The following LRBA variants were observed in gnomAD, a reference collection of about 807,000 sequenced individuals.
The protein encoded by LRBA is lipopolysaccharide-responsive and beige-like anchor protein.
Under a neutral mutation model 330.0 loss-of-function variants are expected in LRBA, and 176 were observed. The observed-to-expected ratio is 0.53, with a 90% confidence interval of 0.47 to 0.60. The LOEUF (loss-of-function observed/expected upper bound fraction) is 0.60. Ranked by LOEUF, LRBA falls within the 20% of genes least tolerant of loss-of-function variation. The pLI is 0.00. For missense variants in LRBA, 3,259 were observed against 3,444.8 expected (o/e 0.95, Z 1.35); for synonymous variants, 1,230 against 1,193.0 (o/e 1.03, Z -0.64).
At chr4:150,474,209 C>A (rs949217792) in intron 42 of LRBA, among the ~76,000 whole-genome samples, 20 of 152,108 alleles carry the variant, frequency 1.3e-4, no homozygotes, top group Non-Finnish European at 5.9e-5. Flanking sequence ...ATTTTGTCCA[C>A]CAATTGTTTA....
chr4:150,524,880 G>T (rs570448536), intron 40 of LRBA, among the ~76,000 whole-genome samples: 1 of 151,976 alleles, frequency 6.6e-6, no homozygotes, highest in Non-Finnish European at 1.5e-5. Flanking sequence ...TTCTAATCTC[G>T]CAAAGGCCAA....
chr4:150,656,715 T>A (rs550152924), intron 37 of LRBA, among the ~76,000 whole-genome samples: 7 of 152,242 alleles, frequency 4.6e-5, no homozygotes, highest in Non-Finnish European at 8.8e-5. Flanking sequence ...TATAATATTA[T>A]ACTAAAATGT....
At chr4:150,883,408 C>T (rs1301911949) in intron 17 of LRBA, among the ~76,000 whole-genome samples, 2 of 151,942 alleles carry the variant, frequency 1.3e-5, no homozygotes. Context: ...TGAAGTGAGC[C>T]GAGATTGCAC....
chr4:150,479,088 A>T (rs1246628991), intron 42 of LRBA, among the ~76,000 whole-genome samples: 1 of 152,034 alleles, frequency 6.6e-6, no homozygotes, highest in Admixed American at 6.6e-5. Flanking sequence ...CTTTGAGATC[A>T]GCCTGGACAA....
chr4:150,610,690 G>A (rs1005822434), intron 37 of LRBA, among the ~76,000 whole-genome samples: 12 of 152,142 alleles, frequency 7.9e-5, no homozygotes, highest in African/African-American at 1.9e-4. Flanking sequence ...AATAAGGAAG[G>A]TTAAGGAAAA....
chr4:150,848,693 T>G (rs1239367307), intron 26 of LRBA, 125 bp downstream of exon 26: 1 of 721,092 alleles, frequency 1.4e-6, no homozygotes, highest in Non-Finnish European at 2.3e-6. Flanking sequence ...TTAAAAAAAG[T>G]AACCATATGA....
chr4:150,916,006 T>C (rs1234374324), intron 7 of LRBA, among the ~76,000 whole-genome samples: 3 of 152,146 alleles, frequency 2.0e-5, no homozygotes, highest in African/African-American at 7.2e-5. Flanking sequence ...CACCCCCTTT[T>C]TCCACCAACT....
intron 46 of LRBA, among the ~76,000 whole-genome samples, chr4:150,428,571 G>A (rs1055468927): frequency 2.6e-5 from 4 of 151,976 alleles, no homozygotes; most frequent in African/African-American, 7.2e-5. Flanking sequence ...AAACTACCTC[G>A]CTATTTTTCC....
At chr4:150,617,002 C>A (rs531558672) in intron 37 of LRBA, among the ~76,000 whole-genome samples, 2 of 152,276 alleles carry the variant, frequency 1.3e-5, no homozygotes, top group South Asian at 4.1e-4. Context: ...CATTAACCTG[C>A]AAAGGCAAGT....
intron 28 of LRBA, among the ~76,000 whole-genome samples, chr4:150,837,880 C>G (rs1445889666): frequency 6.6e-6 from 1 of 152,164 alleles, no homozygotes; most frequent in African/African-American, 2.4e-5. Flanking sequence ...CAGTTTCTTC[C>G]TAGCATCGAT....
In LRBA at chr4:151,005,524, T is replaced by C. The variant is rs113555659; in HGVS notation, c.216+8903A>G. Among the ~76,000 whole-genome samples, 1,144 of 134,090 alleles carry C rather than the reference T, an allele frequency of 8.5e-3. 16 individuals are homozygous for C. The highest frequency in any genetic ancestry group is 0.03 in the African/African-American group (1,016 of 34,164). 88.0% of individuals were successfully genotyped at this position (134,090 alleles called of 152,430 possible). Reference sequence around the variant, plus strand: ...ATGAATACTAGAAAACTATACAGAGTAGATTATAAGAGACTTTTGAAAATA... The same window carrying C: ...ATGAATACTAGAAAACTATACAGAGCAGATTATAAGAGACTTTTGAAAATA... On this transcript the variant is annotated intron_variant, in intron 2 of 56. Transcript: ENST00000651943.
intron 21 of LRBA, 62 bp downstream of exon 21, chr4:150,868,120 A>C (rs1752963467): frequency 5.3e-6 from 8 of 1,508,478 alleles, no homozygotes; most frequent in Non-Finnish European, 7.1e-6. Flanking sequence ...TTCTTAGATA[A>C]AATGGGCTTA....
intron 37 of LRBA, among the ~76,000 whole-genome samples, chr4:150,613,653 C>T (rs559807310): frequency 2.6e-5 from 4 of 152,288 alleles, no homozygotes; most frequent in Non-Finnish European, 4.4e-5. Flanking sequence ...AGTTACAAAA[C>T]CTTTACCTGG....
In LRBA at chr4:150,849,463, C is replaced by A. The variant is rs906001353; in HGVS notation, c.4117G>T (p.Gly1373Trp). 3.1e-6 allele frequency: 5 copies of A among 1,613,796 alleles called. No homozygotes were observed. In the East Asian group the frequency reaches 1.1e-4, roughly 36 times the overall value. The change falls in exon 25 of 57, where the codon GGG (glycine) becomes TGG (tryptophan). Residue 1373 changes from glycine (G) to tryptophan (W), a missense_variant. Physicochemically the swap from Gly to Trp is radical, Grantham distance 184. Transcript: ENST00000651943. ...QVMDNMVMACGGILPLLSAAT... is the reference protein window; with the variant it reads ...QVMDNMVMACWGILPLLSAAT... ...GCTGAAAGCAATGGCAGTATACCCCCACAAGCCATGACCATATTGTCCATC... is the reference window on the plus strand; with the variant it reads ...GCTGAAAGCAATGGCAGTATACCCCAACAAGCCATGACCATATTGTCCATC...
intron 40 of LRBA, among the ~76,000 whole-genome samples, chr4:150,500,717 T>C (rs1349087573): frequency 6.6e-6 from 1 of 152,248 alleles, no homozygotes; most frequent in Admixed American, 6.5e-5. Flanking sequence ...GTTTCTCTGT[T>C]ACCTAAGCTA....
At chr4:150,348,323 C>T (rs1460072229) in intron 48 of LRBA, among the ~76,000 whole-genome samples, 4 of 152,082 alleles carry the variant, frequency 2.6e-5, no homozygotes, top group African/African-American at 4.8e-5. Context: ...GAAAACATTG[C>T]GTAACCTTTA....
chr4:150,894,164 A>C (rs1729800101), intron 16 of LRBA, among the ~76,000 whole-genome samples: 1 of 152,226 alleles, frequency 6.6e-6, no homozygotes. Flanking sequence ...AGCTTCTAAA[A>C]TGCTACTAAA....
At chr4:150,343,767 T>C (rs1424494192) in intron 48 of LRBA, among the ~76,000 whole-genome samples, 1 of 152,140 alleles carries the variant, frequency 6.6e-6, no homozygotes, top group Admixed American at 6.6e-5. Context: ...TTCAACTTTT[T>C]TCTACACCTA....
intron 17 of LRBA, among the ~76,000 whole-genome samples, chr4:150,888,838 T>C (rs1174385617): frequency 6.6e-6 from 1 of 152,198 alleles, no homozygotes; most frequent in Non-Finnish European, 1.5e-5. Flanking sequence ...AAACCTGACT[T>C]TGTCAGACTG....
Sources: gnomAD v4.1 joint callset for allele counts (sites outside exome capture counted in the v4.1 genomes callset) on GRCh38, gnomAD v4.1.1 for gene constraint, MANE v1.5 for transcripts, NCBI Gene and HGNC (gene_info 2026-07-23, HGNC 2026-07-21) for gene names.